GABBR2: variants seen among roughly 807,000 people sequenced by gnomAD.
GABBR2 encodes G-protein coupled receptor 51.
GABBR2 carries 23 observed loss-of-function variants against 105.6 expected under a neutral mutation model. The ratio of observed to expected loss-of-function variants is 0.22; its 90% CI spans 0.16 to 0.31. GABBR2 has a LOEUF of 0.31. GABBR2 is among the 10% of genes least tolerant of loss of function. GABBR2 has a pLI of 1.00. For synonymous variants in GABBR2, 478 were observed against 499.7 expected (o/e 0.96, Z 0.58); for missense variants, 734 against 1,245.5 (o/e 0.59, Z 6.18).
At position 98,321,965 on chromosome 9, in the gene GABBR2, C is replaced by T. The variant is rs947681538; in HGVS notation, c.1894-10760G>A. Among the ~76,000 whole-genome samples the T allele has an allele frequency of 2.6e-5, 4 of 152,124 alleles. No homozygotes were observed. The South Asian group carries it at 6.2e-4, about 24-fold the overall frequency. ...CTTTCTGCTTCTCAGCCTCTTGGTCCCCTCTTTCTTCCCCTTCAGCAAGCT... is the reference window on the plus strand; with the variant it reads ...CTTTCTGCTTCTCAGCCTCTTGGTCTCCTCTTTCTTCCCCTTCAGCAAGCT... On this transcript the variant is annotated intron_variant, in intron 13 of 18. Coordinates refer to ENST00000259455, the MANE Select transcript of GABBR2 (RefSeq NM_005458.8).
At chr9:98,434,374 G>A (rs1166537087) in intron 7 of GABBR2, among the ~76,000 whole-genome samples, 2 of 152,090 alleles carry the variant, frequency 1.3e-5, no homozygotes, top group East Asian at 3.9e-4. Flanking sequence ...AATACAACAG[G>A]GAACATGGTG....
At chr9:98,702,711 C>T (rs1830846797) in intron 1 of GABBR2, among the ~76,000 whole-genome samples, 1 of 152,220 alleles carries the variant, frequency 6.6e-6, no homozygotes. Flanking sequence ...GCCTCTGCCT[C>T]TCTCTGTCAA....
At chr9:98,691,983 G>A (rs2131879167) in intron 1 of GABBR2, among the ~76,000 whole-genome samples, 1 of 152,284 alleles carries the variant, frequency 6.6e-6, no homozygotes, top group East Asian at 1.9e-4. Flanking sequence ...TATGTATCAG[G>A]CAGTGGCTGA....
At chr9:98,340,789 T>G (rs1015714446) in intron 13 of GABBR2, among the ~76,000 whole-genome samples, 4 of 152,204 alleles carry the variant, frequency 2.6e-5, no homozygotes, top group Admixed American at 6.5e-5. Context: ...AAGGTCTTCA[T>G]GGGGACTGCA....
chr9:98,502,217 C>T lies in GABBR2; in HGVS notation c.631-5703G>A, dbSNP rs568200954. Among the ~76,000 whole-genome samples, 18 of 152,248 alleles carry T rather than the reference C, an allele frequency of 1.2e-4. No individual in the cohort carries two copies. In the South Asian group the frequency reaches 1.2e-3, roughly 11 times the overall value. On this transcript the variant is annotated intron_variant, in intron 3 of 18. Transcript: ENST00000259455. Reference sequence around the variant, plus strand: ...GAATTGGGAAGGGAGTGCAGGTAAACGGATGACTCGGAAGAATCTTCTCAC... The same window carrying T: ...GAATTGGGAAGGGAGTGCAGGTAAATGGATGACTCGGAAGAATCTTCTCAC...
At position 98,478,864 on chromosome 9, in the gene GABBR2, A is replaced by T. The variant is rs1456042555; in HGVS notation, c.798+2068T>A. ...ATTTTTATTAATTTATTTTTTCTGA[A>T]GTTATTTGTTTTCCTCATTCGATCA... is the stretch of plus-strand genomic sequence containing the variant. On this transcript the variant is annotated intron_variant, in intron 5 of 18. Coordinates refer to ENST00000259455, the MANE Select transcript of GABBR2 (RefSeq NM_005458.8). Among the ~76,000 whole-genome samples, 11 of 152,014 alleles carry T rather than the reference A, an allele frequency of 7.2e-5. No homozygotes were observed. The East Asian group carries it at 2.1e-3, about 29-fold the overall frequency.
intron 13 of GABBR2, among the ~76,000 whole-genome samples, chr9:98,319,960 AGACAAAATT>A (rs1830789785): frequency 6.6e-6 from 1 of 152,200 alleles, no homozygotes; most frequent in South Asian, 2.1e-4. Flanking sequence ...TGGCAACAAA[AGACAAAATT>A]GACAAATGGG....
intron 1 of GABBR2, among the ~76,000 whole-genome samples, chr9:98,600,979 G>T (rs1198467434): frequency 6.6e-6 from 1 of 152,110 alleles, no homozygotes; most frequent in Non-Finnish European, 1.5e-5. Context: ...CCCCCGGTGA[G>T]CACCCTATTA....
At chr9:98,638,578 G>C (rs977810929) in intron 1 of GABBR2, among the ~76,000 whole-genome samples, 3 of 152,144 alleles carry the variant, frequency 2.0e-5, no homozygotes, top group African/African-American at 7.2e-5. Flanking sequence ...CCCACCAAGA[G>C]TTTTGCATAG....
chr9:98,670,558 T>C (rs1165993834), intron 1 of GABBR2, among the ~76,000 whole-genome samples: 1 of 152,206 alleles, frequency 6.6e-6, no homozygotes, highest in African/African-American at 2.4e-5. Context: ...TTATTCAGAA[T>C]AGCTGAAATG....
intron 1 of GABBR2, among the ~76,000 whole-genome samples, chr9:98,600,311 T>A (rs1271481756): frequency 6.6e-6 from 1 of 152,078 alleles, no homozygotes; most frequent in South Asian, 2.1e-4. Context: ...CAGGGAGTAT[T>A]TCTAGCTGAC....
intron 11 of GABBR2, among the ~76,000 whole-genome samples, chr9:98,381,638 C>T (rs559165684): frequency 2.6e-5 from 4 of 152,322 alleles, no homozygotes; most frequent in East Asian, 1.9e-4. Context: ...TAATCTATGC[C>T]TTTTCCCCAC....
At chr9:98,512,120 T>C (rs1020637904) in intron 3 of GABBR2, among the ~76,000 whole-genome samples, 1 of 150,812 alleles carries the variant, frequency 6.6e-6, no homozygotes, top group Non-Finnish European at 1.5e-5. Context: ...AATCAATAAA[T>C]GTAATCCAGC....
In GABBR2 at chr9:98,306,666, A is replaced by T; in HGVS notation, c.2005-321T>A. ...AGATAAGATCTCAGCTTTCTCCCTC[A>T]CTCTCTAGGGAATACTAATATCCAG... On this transcript the variant is annotated intron_variant, in intron 14 of 18. Transcript: ENST00000259455. This position sits in a 1 kb window ranked among gnomAD's most constrained non-coding sequence, Gnocchi z 5.4. 2 of 395,492 alleles carry T rather than the reference A, an allele frequency of 5.1e-6. No homozygotes were observed. The highest frequency in any genetic ancestry group is 2.6e-5 in the South Asian group (1 of 39,034). 24.5% of individuals were successfully genotyped at this position (395,492 alleles called of 1,614,324 possible). A position where few individuals can be genotyped will look rare whatever the true frequency, so the allele number is the denominator to read the frequency against.
intron 1 of GABBR2, among the ~76,000 whole-genome samples, chr9:98,658,899 T>C (rs900431868): frequency 7.2e-5 from 11 of 152,174 alleles, no homozygotes; most frequent in African/African-American, 2.4e-4. Context: ...CTGGGCAGCA[T>C]TAAGGGATGT....
chr9:98,575,719 C>A (rs557621959), intron 2 of GABBR2, among the ~76,000 whole-genome samples: 3 of 152,314 alleles, frequency 2.0e-5, no homozygotes, highest in Non-Finnish European at 2.9e-5. Context: ...GCTCCCACGG[C>A]ACACTGAGCC....
intron 11 of GABBR2, among the ~76,000 whole-genome samples, chr9:98,375,981 C>G (rs547931064): frequency 6.6e-6 from 1 of 152,204 alleles, no homozygotes; most frequent in Non-Finnish European, 1.5e-5. Flanking sequence ...TAAAGTCTTA[C>G]GTGTGTTTAT....
chr9:98,598,505 G>A (rs549693186), intron 1 of GABBR2, among the ~76,000 whole-genome samples: 48 of 152,172 alleles, frequency 3.2e-4, no homozygotes, highest in Non-Finnish European at 4.1e-4. Context: ...AAATTAAAAT[G>A]CGGCATTGTT....
At chr9:98,348,288 G>A (rs1169855523) in intron 13 of GABBR2, among the ~76,000 whole-genome samples, 2 of 152,126 alleles carry the variant, frequency 1.3e-5, no homozygotes, top group Non-Finnish European at 2.9e-5. Context: ...TGTTCCGTTG[G>A]TCTATGGTCT....
Sources: gnomAD v4.1 joint callset for allele counts (sites outside exome capture counted in the v4.1 genomes callset) on GRCh38, gnomAD v4.1.1 for gene constraint, Gnocchi (gnomAD v3.1) non-coding constraint, MANE v1.5 for transcripts, NCBI Gene and HGNC (gene_info 2026-07-23, HGNC 2026-07-21) for gene names.